Variants in C21orf91 observed in about 807,000 individuals in gnomAD.
C21orf91 encodes the protein chromosome 21 open reading frame 91.
Under a neutral mutation model 32.9 loss-of-function variants are expected in C21orf91, and 26 were observed. The observed-to-expected ratio is 0.79, with a 90% confidence interval of 0.58 to 1.10. The LOEUF is 1.10. C21orf91 is among the 50% of genes least tolerant of loss of function. C21orf91 has a pLI of 0.00. For synonymous variants in C21orf91, 126 were observed against 120.4 expected, an observed-to-expected ratio of 1.05 and a Z score of -0.31; for missense variants, 310 against 341.3, an observed-to-expected ratio of 0.91 and a Z score of 0.72.
intron 2 of C21orf91, among the ~76,000 whole-genome samples, chr21:17,813,593 C>A (rs2062646828): frequency 6.6e-6 from 1 of 152,212 alleles, no homozygotes; most frequent in Non-Finnish European, 1.5e-5. Flanking sequence ...GGTCAACTTA[C>A]ACTGAAAACT....
chr21:17,818,203 A>T lies in C21orf91; in HGVS notation c.116T>A (p.Leu39Gln). 6.2e-7 allele frequency: 1 copy of T among 1,609,922 alleles called. No homozygotes were observed. Among genetic ancestry groups the T allele is most frequent in the Non-Finnish European group, 8.5e-7 (1 of 1,176,250 alleles). ...TACTGTGTCCTTACCCTCAATATTT[A>T]GCTCAAAACAAATGTGGCAGAAGGA... ...TLSFCHICFE[L>Q]NIEGVPKSDL... The change falls in exon 2 of 5, where the codon CTA (leucine) becomes CAA (glutamine). Residue 39 changes from leucine (L) to glutamine (Q), a missense_variant. Transcript: ENST00000284881.
chr21:17,801,932 G>A (rs2062564612), intron 2 of C21orf91, among the ~76,000 whole-genome samples: 1 of 151,272 alleles, frequency 6.6e-6, no homozygotes, highest in African/African-American at 2.4e-5. Context: ...TTAAAAAGCT[G>A]TTCCTATTCA....
Position 17,793,265 on chromosome 21 carries a change from T to C in C21orf91, c.*150A>G. ...AGAAGACTAGAGTATAATGATCTGC[T>C]TTATTTGACAAAGATGTTAAATACT... On this transcript the variant is annotated 3_prime_UTR_variant, in exon 5 of 5. Coordinates refer to ENST00000284881, the MANE Select transcript of C21orf91 (RefSeq NM_001100420.2). The C allele has an allele frequency of 1.9e-6, 1 of 526,072 alleles. No homozygotes were observed. Among genetic ancestry groups the C allele is most frequent in the Admixed American group, 3.4e-5 (1 of 29,264 alleles). The allele number at this position is 526,072 out of a possible 1,614,324, so 32.6% of individuals were successfully genotyped here. A position where few individuals can be genotyped will look rare whatever the true frequency, so the allele number is the denominator to read the frequency against.
At position 17,789,652 on chromosome 21, in the gene C21orf91, T is replaced by C. The variant is rs927863662; in HGVS notation, c.*3763A>G. The C allele has an allele frequency of 5.3e-5, 8 of 152,144 alleles. No individual in the cohort carries two copies. The highest frequency in any genetic ancestry group is 8.8e-5 in the Non-Finnish European group (6 of 67,988). 9.4% of individuals were successfully genotyped at this position (152,144 alleles called of 1,614,324 possible). Reference sequence around the variant, plus strand: ...AATATGGTTCATATCAATGTTACCATAGCCAGAAGTTGCTTAATAGGTTAG... The same window carrying C: ...AATATGGTTCATATCAATGTTACCACAGCCAGAAGTTGCTTAATAGGTTAG... On this transcript the variant is annotated 3_prime_UTR_variant, in exon 5 of 5. Coordinates refer to ENST00000284881, the MANE Select transcript of C21orf91 (RefSeq NM_001100420.2).
At chr21:17,815,664 A>C (rs2062660633) in intron 2 of C21orf91, among the ~76,000 whole-genome samples, 1 of 146,196 alleles carries the variant, frequency 6.8e-6, no homozygotes, top group Admixed American at 6.8e-5. Flanking sequence ...TTCTAAAATA[A>C]TTTTTTTTTT....
chr21:17,796,519 T>G, intron 3 of C21orf91, 63 bp downstream of exon 3: 1 of 1,250,008 alleles, frequency 8.0e-7, no homozygotes, highest in South Asian at 1.4e-5. Context: ...CCATTACACA[T>G]CTATACAAAT....
At chr21:17,794,506 T>C (rs772481700) in intron 4 of C21orf91, among the ~76,000 whole-genome samples, 46 of 152,252 alleles carry the variant, frequency 3.0e-4, no homozygotes, top group Non-Finnish European at 5.6e-4. Context: ...TCCATGCTAC[T>C]GGTAGTGCAA....
intron 2 of C21orf91, among the ~76,000 whole-genome samples, chr21:17,815,363 CAA>C (rs773986988): frequency 1.3e-5 from 2 of 152,120 alleles, no homozygotes; most frequent in Non-Finnish European, 2.9e-5. Flanking sequence ...CAGGCAACTG[CAA>C]TACTACCAAA....
intron 2 of C21orf91, among the ~76,000 whole-genome samples, chr21:17,800,126 TAGAAATTTACATAC>T (rs147693598): frequency 0.097 from 14,706 of 152,206 alleles, 914 homozygotes; most frequent in African/African-American, 0.17. Flanking sequence ...TATTTTTAAA[TAGAAATTTACATAC>T]AGAAAATATA....
chr21:17,814,424 C>T (rs2062652330), intron 2 of C21orf91, among the ~76,000 whole-genome samples: 1 of 152,130 alleles, frequency 6.6e-6, no homozygotes, highest in Admixed American at 6.5e-5. Context: ...GAGAAGCAGA[C>T]AATTTATTTT....
chr21:17,789,217 A>G lies in C21orf91; in HGVS notation c.*4198T>C, dbSNP rs982924319. 2 of 151,532 alleles carry G rather than the reference A, an allele frequency of 1.3e-5. No homozygotes were observed. The highest frequency in any genetic ancestry group is 2.9e-5 in the Non-Finnish European group (2 of 67,960). 9.4% of individuals were successfully genotyped at this position (151,532 alleles called of 1,614,324 possible). ...TCTAACACCAGAGAGATTAAGTTCA[A>G]TGACCATAGTATACGCTACTGTTTT... On this transcript the variant is annotated 3_prime_UTR_variant, in exon 5 of 5. Coordinates refer to ENST00000284881, the MANE Select transcript of C21orf91 (RefSeq NM_001100420.2).
intron 2 of C21orf91, among the ~76,000 whole-genome samples, chr21:17,815,844 G>C (rs1307873312): frequency 6.6e-6 from 1 of 152,134 alleles, no homozygotes; most frequent in Non-Finnish European, 1.5e-5. Flanking sequence ...ATTTTTAGTA[G>C]AGACGGGGTT....
intron 2 of C21orf91, among the ~76,000 whole-genome samples, chr21:17,804,918 A>T (rs2062585227): frequency 6.6e-6 from 1 of 152,220 alleles, no homozygotes; most frequent in Non-Finnish European, 1.5e-5. Flanking sequence ...CTACTTTTTC[A>T]TTCTAACAGT....
At chr21:17,819,183 C>T (rs1041661449) in intron 1 of C21orf91, 120 bp downstream of exon 1, 3 of 152,284 alleles carry the variant, frequency 2.0e-5, no homozygotes, top group African/African-American at 7.2e-5. Flanking sequence ...GTCTGTCCGT[C>T]GGGGCGCCTG....
chr21:17,816,838 T>A (rs1439258468), intron 2 of C21orf91, among the ~76,000 whole-genome samples: 2 of 152,238 alleles, frequency 1.3e-5, no homozygotes. Context: ...AGATAATTTC[T>A]AATGTCTTTA....
At position 17,792,521 on chromosome 21, in the gene C21orf91, G is replaced by A. The variant is rs1422041289; in HGVS notation, c.*894C>T. 1 of 151,648 alleles carries A rather than the reference G, an allele frequency of 6.6e-6. No individual in the cohort carries two copies. The highest frequency in any genetic ancestry group is 1.9e-4 in the East Asian group (1 of 5,174). 9.4% of individuals were successfully genotyped at this position (151,648 alleles called of 1,614,324 possible). A position where few individuals can be genotyped will look rare whatever the true frequency, so the allele number is the denominator to read the frequency against. The stretch of plus-strand genomic sequence containing the variant: ...AACAATTTCACAGCACACTCAATTT[G>A]AAGATAGACATTATATTTGAATTGG... On this transcript the variant is annotated 3_prime_UTR_variant, in exon 5 of 5. Coordinates refer to ENST00000284881, the MANE Select transcript of C21orf91 (RefSeq NM_001100420.2).
Position 17,791,839 on chromosome 21 carries a change from T to C in C21orf91, c.*1576A>G, listed in dbSNP as rs2062476601. 2 of 152,172 alleles carry C rather than the reference T, an allele frequency of 1.3e-5. No individual in the cohort carries two copies. Among genetic ancestry groups the C allele is most frequent in the Admixed American group, 1.3e-4 (2 of 15,274 alleles). The allele number at this position is 152,172 out of a possible 1,614,324, so 9.4% of individuals were successfully genotyped here. A position where few individuals can be genotyped will look rare whatever the true frequency, so the allele number is the denominator to read the frequency against. On this transcript the variant is annotated 3_prime_UTR_variant, in exon 5 of 5. Transcript: ENST00000284881. Reference sequence around the variant, plus strand: ...TTCAAAAATTCCCTCCAAAAAGTAATGTTATACTTCAAAGAAAAACAAAAT... The same window carrying C: ...TTCAAAAATTCCCTCCAAAAAGTAACGTTATACTTCAAAGAAAAACAAAAT...
intron 2 of C21orf91, among the ~76,000 whole-genome samples, chr21:17,798,297 G>A (rs954781321): frequency 6.6e-5 from 10 of 152,194 alleles, no homozygotes; most frequent in South Asian, 4.1e-4. Context: ...TACTTTAATG[G>A]TATGAAATAA....
intron 2 of C21orf91, among the ~76,000 whole-genome samples, chr21:17,807,213 G>C (rs1400763913): frequency 4.6e-5 from 7 of 152,254 alleles, no homozygotes; most frequent in Non-Finnish European, 1.0e-4. Context: ...GAGGTAACTG[G>C]ATCATGGGAG....
Sources: allele counts gnomAD v4.1 joint callset (sites outside exome capture counted in the v4.1 genomes callset), GRCh38; gene constraint gnomAD v4.1.1; transcripts MANE v1.5; gene names NCBI Gene and HGNC (gene_info 2026-07-23, HGNC 2026-07-21).